The following NPHP3 variants were observed in gnomAD, a reference collection of about 807,000 sequenced individuals.
NPHP3 encodes the protein nephrocystin 3, also known as nephrocystin-3.
In NPHP3, 123 loss-of-function variants were observed where a neutral mutation model predicts 171.9. That is an observed-to-expected ratio of 0.72 (90% CI 0.62 to 0.83). NPHP3 has a LOEUF of 0.83. Ranked by LOEUF, NPHP3 falls within the 40% of genes least tolerant of loss-of-function variation. The pLI, the probability that NPHP3 is intolerant of heterozygous loss-of-function variation, is 0.00. For missense variants in NPHP3, 1,506 were observed against 1,591.9 expected (o/e 0.95, Z 0.92); for synonymous variants, 558 against 579.2 (o/e 0.96, Z 0.52).
At chr3:132,692,539 C>A in intron 17 of NPHP3, 115 bp downstream of exon 17, 1 of 878,738 alleles carries the variant, frequency 1.1e-6, no homozygotes, top group Non-Finnish European at 1.8e-6. Context: ...TATAGCAGAT[C>A]TTTAGAATTT....
chr3:132,682,586 A>G lies in NPHP3; in HGVS notation c.3812+117T>C, dbSNP rs74504982. ...GTACTTCTTGAAGTCAGTCAGCAAA[A>G]AACAACCCCTCCCCACTCTAAGAAA... On this transcript the variant is annotated intron_variant, in intron 26 of 26. Transcript: ENST00000337331. The G allele has an allele frequency of 9.1e-3, 6,446 of 704,506 alleles. 251 individuals carry two copies. In the African/African-American group the frequency reaches 0.096, roughly 10 times the overall value. The allele number at this position is 704,506 out of a possible 1,614,324, so 43.6% of individuals were successfully genotyped here.
chr3:132,713,147 A>G lies in NPHP3; in HGVS notation c.1097T>C (p.Phe366Ser). The G allele has an allele frequency of 6.8e-7, 1 of 1,479,906 alleles. No individual in the cohort carries two copies. The highest frequency in any genetic ancestry group is 9.3e-7 in the Non-Finnish European group (1 of 1,070,722). 91.7% of individuals were successfully genotyped at this position (1,479,906 alleles called of 1,614,324 possible). Residue 366 changes from phenylalanine to serine, a missense_variant, in exon 6 of 27, where the codon TTT becomes TCT. Physicochemically the swap from Phe to Ser is radical, Grantham distance 155 (BLOSUM62 -2). Coordinates refer to ENST00000337331, the MANE Select transcript of NPHP3 (RefSeq NM_153240.5). Reference sequence around the variant, plus strand: ...TTACCTTGGTAATGTTAAGTGAATAAATAAAATAACTAAAGAACTTTTCTC... The same window carrying G: ...TTACCTTGGTAATGTTAAGTGAATAGATAAAATAACTAAAGAACTTTTCTC... The part of the protein sequence containing the change: ...EIEKSSLVIL[F>S]IHLTLPSLLL...
intron 20 of NPHP3, 31 bp downstream of exon 20, chr3:132,689,043 C>T: frequency 6.2e-7 from 1 of 1,613,874 alleles, no homozygotes; most frequent in South Asian, 1.1e-5. Context: ...TCCCACCTGT[C>T]TCTGGCTTGC....
chr3:132,711,610 A>G (rs967136610), intron 6 of NPHP3, among the ~76,000 whole-genome samples: 1 of 152,136 alleles, frequency 6.6e-6, no homozygotes, highest in Non-Finnish European at 1.5e-5. Flanking sequence ...GTCACCCAGA[A>G]AGTTTCTTTA....
chr3:132,714,604 C>G (rs1173803877), intron 5 of NPHP3, among the ~76,000 whole-genome samples: 1 of 151,886 alleles, frequency 6.6e-6, no homozygotes, highest in East Asian at 1.9e-4. Context: ...TGGTGTGTAC[C>G]TGTAGTCCTA....
rs1939687605 is a variant in NPHP3 at position 132,704,187 on chromosome 3, C to A, written c.1524+11G>T. 1 of 1,613,562 alleles carries A rather than the reference C, an allele frequency of 6.2e-7. No homozygotes were observed. The highest frequency in any genetic ancestry group is 8.5e-7 in the Non-Finnish European group (1 of 1,179,494). ...ACAGATCTTTGTTGCAATAATACTC[C>A]AAGCACTTACTTTCTCAAATCCCAA... On this transcript the variant is annotated intron_variant, in intron 9 of 26. Transcript: ENST00000337331.
In NPHP3 at chr3:132,697,378, A is replaced by C. The variant is rs747965372; in HGVS notation, c.1986-16T>G. On this transcript the variant is annotated splice_polypyrimidine_tract_variant and intron_variant, in intron 13 of 26. Transcript: ENST00000337331. ...AGGCCACAACCTTTTATGTAAAGAA[A>C]AGAAAAATGAAATTTTAATAATACA... The C allele has an allele frequency of 1.3e-6, 2 of 1,522,350 alleles. No individual in the cohort carries two copies. The highest frequency in any genetic ancestry group is 1.8e-6 in the Non-Finnish European group (2 of 1,101,490). 94.3% of individuals were successfully genotyped at this position (1,522,350 alleles called of 1,614,324 possible).
intron 24 of NPHP3, 112 bp from the exon 25 acceptor site, chr3:132,683,636 A>T: frequency 1.3e-6 from 1 of 790,270 alleles, no homozygotes; most frequent in Non-Finnish European, 2.0e-6. Context: ...AGGGAAAAAA[A>T]TCTCAGAAGC....
At chr3:132,693,078 C>T in intron 16 of NPHP3, 1 of 423,912 alleles carries the variant, frequency 2.4e-6, no homozygotes. Context: ...ATTAAAACTG[C>T]ATAAAATGTA....
At chr3:132,693,543 C>T (rs545574789) in intron 16 of NPHP3, 8 of 152,292 alleles carry the variant, frequency 5.3e-5, no homozygotes, top group African/African-American at 1.9e-4. Context: ...AAGTCCAAAC[C>T]CTGGGAACCA....
At position 132,722,407 on chromosome 3, in the gene NPHP3, A is replaced by T. The variant is rs776107632; in HGVS notation, c.-52T>A. On this transcript the variant is annotated 5_prime_UTR_variant, in exon 1 of 27. Coordinates refer to ENST00000337331, the MANE Select transcript of NPHP3 (RefSeq NM_153240.5). ...GAGTACCAGCAGGACTGGGCAGCGG[A>T]ACGGAACGGGACGGGGTGGGGCAGA... The T allele has an allele frequency of 1.0e-5, 14 of 1,397,624 alleles. No individual in the cohort carries two copies. In the Admixed American group the frequency reaches 2.6e-4, roughly 26 times the overall value. The allele number at this position is 1,397,624 out of a possible 1,614,324, so 86.6% of individuals were successfully genotyped here.
At position 132,704,269 on chromosome 3, in the gene NPHP3, G is replaced by A. The variant is rs1462155306; in HGVS notation, c.1453C>T (p.His485Tyr). 9.9e-6 allele frequency: 16 copies of A among 1,613,984 alleles called. No individual in the cohort carries two copies. The highest frequency in any genetic ancestry group is 1.3e-5 in the African/African-American group (1 of 74,890). ...DDFGDVLWDI[H>Y]DEQEQMETFQ... Reference sequence around the variant, plus strand: ...GTTTCCATTTGCTCTTGTTCATCATGTATGTCCCACAGAACATCACCAAAA... The same window carrying A: ...GTTTCCATTTGCTCTTGTTCATCATATATGTCCCACAGAACATCACCAAAA... Residue 485 changes from histidine to tyrosine, a missense_variant, in exon 9 of 27, where the codon CAT becomes TAT. By Grantham distance (83) the His-to-Tyr change is moderately conservative. Transcript: ENST00000337331.
intron 5 of NPHP3, among the ~76,000 whole-genome samples, chr3:132,713,628 GA>G (rs542881287): frequency 3.0e-4 from 45 of 152,068 alleles, no homozygotes; most frequent in Non-Finnish European, 3.5e-4. Context: ...TTGTCATAAA[GA>G]GTGCAAAATA....
chr3:132,683,375 C>G, intron 25 of NPHP3, 24 bp downstream of exon 25: 1 of 1,606,176 alleles, frequency 6.2e-7, no homozygotes, highest in African/African-American at 1.3e-5. Context: ...TTCACTGATA[C>G]AACGTTAAAA....
chr3:132,684,792 G>T lies in NPHP3; in HGVS notation c.3332C>A (p.Thr1111Lys). The change falls in exon 24 of 27, where the codon ACA (threonine) becomes AAA (lysine). Residue 1111 changes from threonine to lysine, a missense_variant and splice_region_variant. Physicochemically the swap from Thr to Lys is moderately conservative, Grantham distance 78 (BLOSUM62 -1). Coordinates refer to ENST00000337331, the MANE Select transcript of NPHP3 (RefSeq NM_153240.5). ...VLYYLQNNLE[T>K]ADQFLKRSLE... ...GGAACGCTTCAGAAACTGGTCAGCT[G>T]TTCTGTGAACACAATCCCAAAATGG... 1 of 1,612,928 alleles carries T rather than the reference G, an allele frequency of 6.2e-7. No homozygotes were observed.
At chr3:132,685,010 C>A in intron 23 of NPHP3, 1 of 532,894 alleles carries the variant, frequency 1.9e-6, no homozygotes, top group Non-Finnish European at 3.4e-6. Context: ...TGGATGATTG[C>A]CTCAATTCTC....
intron 6 of NPHP3, among the ~76,000 whole-genome samples, chr3:132,712,648 C>A (rs4123899): frequency 0.19 from 28,749 of 151,900 alleles, 3,308 homozygotes; most frequent in East Asian, 0.64. Flanking sequence ...CGCCTATAGT[C>A]CCAGCTACTC....
chr3:132,698,191 G>A (rs1345637613), intron 13 of NPHP3, among the ~76,000 whole-genome samples: 1 of 152,188 alleles, frequency 6.6e-6, no homozygotes, highest in South Asian at 2.1e-4. Flanking sequence ...CTGTTGGCCA[G>A]GCTGGTCTTG....
chr3:132,709,121 G>C (rs1226916768), intron 6 of NPHP3, among the ~76,000 whole-genome samples: 1 of 151,720 alleles, frequency 6.6e-6, no homozygotes, highest in Non-Finnish European at 1.5e-5. Flanking sequence ...GAAGAGGTTG[G>C]GTGACTGAGG....
Sources: gnomAD v4.1 joint callset for allele counts (sites outside exome capture counted in the v4.1 genomes callset) on GRCh38, gnomAD v4.1.1 for gene constraint, MANE v1.5 for transcripts, NCBI Gene and HGNC (gene_info 2026-07-23, HGNC 2026-07-21) for gene names.